Variants in CDH4 observed in about 807,000 individuals in gnomAD.
CDH4 encodes the protein cadherin 4.
A neutral mutation model predicts 86.0 loss-of-function variants in CDH4; 33 were observed. The ratio of observed to expected loss-of-function variants is 0.38; its 90% CI spans 0.29 to 0.51. The LOEUF (loss-of-function observed/expected upper bound fraction) is 0.51. Among genes scored for constraint, CDH4 ranks in the 20% least tolerant of loss-of-function variants. CDH4 has a pLI of 0.86. For missense variants in CDH4, 1,114 were observed against 1,307.4 expected (o/e 0.85, Z 2.28); for synonymous variants, 555 against 549.4 (o/e 1.01, Z -0.14).
intron 2 of CDH4, among the ~76,000 whole-genome samples, chr20:61,397,340 T>A (rs1038148412): frequency 1.3e-5 from 2 of 152,060 alleles, no homozygotes; most frequent in Non-Finnish European, 2.9e-5. Flanking sequence ...CCTGGTCTTT[T>A]TCCCCAATGG....
chr20:61,534,665 CTTTTT>C (rs34309371), intron 2 of CDH4, among the ~76,000 whole-genome samples: 2 of 76,064 alleles, frequency 2.6e-5, no homozygotes, highest in Admixed American at 1.4e-4. Context: ...TTCTTTCTTT[CTTTTT>C]TTTTTTTTTT....
chr20:61,936,872 G>A lies in CDH4; in HGVS notation c.2680G>A (p.Asp894Asn), dbSNP rs760758114. The change falls in exon 16 of 16, where the codon GAT becomes AAT. Residue 894 changes from aspartate (D) to asparagine (N), a missense_variant. By Grantham distance (23) the Asp-to-Asn change is conservative. This residue lies in a region of CDH4 where 188 missense variants were observed against 183.8 expected (regional missense o/e 1.02). Transcript: ENST00000614565. Reference sequence around the variant, plus strand: ...ATCCAGTTCCGGGGACCAAGACTACGATTACCTCAACGACTGGGGGCCCAG... The same window carrying A: ...ATCCAGTTCCGGGGACCAAGACTACAATTACCTCAACGACTGGGGGCCCAG... ...NSSSSGDQDY[D>N]YLNDWGPRFK... is the part of the protein sequence containing the mutation. 8.9e-5 allele frequency: 143 copies of A among 1,607,134 alleles called. No homozygotes were observed. Among genetic ancestry groups the A allele is most frequent in the Non-Finnish European group, 1.1e-4 (132 of 1,177,392 alleles).
intron 3 of CDH4, among the ~76,000 whole-genome samples, chr20:61,746,231 T>C (rs1262175163): frequency 6.6e-6 from 1 of 152,242 alleles, no homozygotes; most frequent in East Asian, 1.9e-4. Context: ...TTGGGCAGCC[T>C]GAGGACCCTG....
intron 2 of CDH4, among the ~76,000 whole-genome samples, chr20:61,662,465 G>A (rs966552655): frequency 3.9e-5 from 6 of 152,240 alleles, no homozygotes; most frequent in Non-Finnish European, 5.9e-5. Flanking sequence ...GGACGAGGGC[G>A]GCTGCCCAAA....
intron 2 of CDH4, among the ~76,000 whole-genome samples, chr20:61,428,908 T>TTC (rs1190444190): frequency 6.6e-6 from 1 of 152,158 alleles, no homozygotes; most frequent in Non-Finnish European, 1.5e-5. Context: ...TGAGAGCCAT[T>TTC]TCTCCCATGT....
At chr20:61,489,264 A>C (rs2085612827) in intron 2 of CDH4, among the ~76,000 whole-genome samples, 1 of 152,184 alleles carries the variant, frequency 6.6e-6, no homozygotes, top group South Asian at 2.1e-4. Flanking sequence ...GTTTGAGCAG[A>C]TAGAACCAGG....
At chr20:61,259,164 G>A (rs2084116358) in intron 2 of CDH4, among the ~76,000 whole-genome samples, 1 of 152,224 alleles carries the variant, frequency 6.6e-6, no homozygotes, top group Non-Finnish European at 1.5e-5. Flanking sequence ...ATTGCTGAAT[G>A]AGTGAATGAC....
intron 3 of CDH4, among the ~76,000 whole-genome samples, chr20:61,747,396 C>A (rs1265213639): frequency 6.9e-6 from 1 of 145,376 alleles, no homozygotes; most frequent in Non-Finnish European, 1.5e-5. Context: ...CGCAGTGAGC[C>A]GAGTGAGCCA....
intron 2 of CDH4, among the ~76,000 whole-genome samples, chr20:61,595,269 G>A (rs2086548357): frequency 6.6e-6 from 1 of 152,258 alleles, no homozygotes; most frequent in Admixed American, 6.5e-5. Flanking sequence ...GCTGTGACCT[G>A]TGGGCGGGAA....
At chr20:61,291,222 A>T (rs1251369653) in intron 2 of CDH4, among the ~76,000 whole-genome samples, 1 of 152,194 alleles carries the variant, frequency 6.6e-6, no homozygotes, top group East Asian at 1.9e-4. Context: ...CCTCCAAAAG[A>T]TATGTGCACC....
At chr20:61,590,122 C>T (rs1483020266) in intron 2 of CDH4, among the ~76,000 whole-genome samples, 6 of 137,486 alleles carry the variant, frequency 4.4e-5, no homozygotes, top group East Asian at 2.2e-4. Context: ...GGAGCTTAAA[C>T]GATTGTGGTT....
intron 2 of CDH4, among the ~76,000 whole-genome samples, chr20:61,401,613 A>G (rs539638295): frequency 2.1e-4 from 32 of 152,294 alleles, no homozygotes; most frequent in South Asian, 6.2e-4. Flanking sequence ...TCTCTTGAAC[A>G]CAGTTTCTTC....
At chr20:61,881,456 G>C (rs1287070369) in intron 7 of CDH4, among the ~76,000 whole-genome samples, 1 of 152,250 alleles carries the variant, frequency 6.6e-6, no homozygotes, top group Non-Finnish European at 1.5e-5. Context: ...CCGCTCCCGT[G>C]AGCCGGCCAC....
intron 4 of CDH4, among the ~76,000 whole-genome samples, chr20:61,780,293 A>G (rs1978468702): frequency 6.6e-6 from 1 of 151,936 alleles, no homozygotes; most frequent in Admixed American, 6.6e-5. Context: ...GGTGCACCCA[A>G]CACTCCCCTC....
At chr20:61,854,931 G>T (rs62206350) in intron 6 of CDH4, among the ~76,000 whole-genome samples, 28,915 of 123,934 alleles carry the variant, frequency 0.23, 4,896 homozygotes, top group Non-Finnish European at 0.35. Context: ...CACCCCCAGG[G>T]GTGCAGTGTG....
chr20:61,597,570 T>C (rs1387263003), intron 2 of CDH4, among the ~76,000 whole-genome samples: 1 of 152,160 alleles, frequency 6.6e-6, no homozygotes, highest in Non-Finnish European at 1.5e-5. Context: ...GGTTACTTCA[T>C]GCATCTGCAC....
At chr20:61,891,613 G>A (rs1321113178) in intron 7 of CDH4, among the ~76,000 whole-genome samples, 1 of 152,222 alleles carries the variant, frequency 6.6e-6, no homozygotes, top group Non-Finnish European at 1.5e-5. Context: ...TGCATGATGA[G>A]GCACATGTTG....
At chr20:61,818,657 A>G (rs1980857215) in intron 4 of CDH4, among the ~76,000 whole-genome samples, 1 of 151,158 alleles carries the variant, frequency 6.6e-6, no homozygotes, top group African/African-American at 2.4e-5. Flanking sequence ...CAACCTGAGC[A>G]ATAGAACGAA....
intron 4 of CDH4, among the ~76,000 whole-genome samples, chr20:61,819,320 A>AGCACATGGATGTTG (rs1353226792): frequency 6.6e-6 from 1 of 152,228 alleles, no homozygotes; most frequent in Non-Finnish European, 1.5e-5. Flanking sequence ...AGAGAACCAG[A>AGCACATGGATGTTG]GCACATGGAT....
Sources: allele counts gnomAD v4.1 joint callset (sites outside exome capture counted in the v4.1 genomes callset), GRCh38; gene constraint gnomAD v4.1.1; regional missense constraint gnomAD v4.1.1; transcripts MANE v1.5; gene names NCBI Gene and HGNC (gene_info 2026-07-23, HGNC 2026-07-21).